The following DIP2C variants were observed in gnomAD, a reference collection of about 807,000 sequenced individuals.
The protein encoded by DIP2C is DIP2 acetate--CoA ligase C (putative).
A neutral mutation model predicts 192.4 loss-of-function variants in DIP2C; 33 were observed. That is an observed-to-expected ratio of 0.17 (90% CI 0.13 to 0.23). DIP2C has a LOEUF of 0.23. Among genes scored for constraint, DIP2C ranks in the 10% least tolerant of loss-of-function variants. DIP2C has a pLI of 1.00. For synonymous variants in DIP2C, 979 were observed against 864.1 expected (o/e 1.13, Z -2.33); for missense variants, 1,537 against 2,110.1 (o/e 0.73, Z 5.32).
At chr10:671,732 C>T (rs369415261) in intron 1 of DIP2C, among the ~76,000 whole-genome samples, 2 of 124,296 alleles carry the variant, frequency 1.6e-5, no homozygotes, top group East Asian at 2.6e-4. Flanking sequence ...CACAGACGCA[C>T]GGACGGAGGA....
chr10:370,738 C>T (rs1438213665), intron 17 of DIP2C, among the ~76,000 whole-genome samples: 1 of 152,220 alleles, frequency 6.6e-6, no homozygotes, highest in Non-Finnish European at 1.5e-5. Context: ...CTGTAATTTT[C>T]CATTTATAAA....
intron 1 of DIP2C, among the ~76,000 whole-genome samples, chr10:679,831 A>G (rs1160831870): frequency 6.6e-6 from 1 of 152,074 alleles, no homozygotes; most frequent in Admixed American, 6.5e-5. Flanking sequence ...CCTTCCACAG[A>G]TTTCCTCTGT....
intron 28 of DIP2C, among the ~76,000 whole-genome samples, chr10:342,161 CTCT>C (rs1169794729): frequency 8.5e-4 from 129 of 151,750 alleles, no homozygotes; most frequent in African/African-American, 2.8e-3. Context: ...CCCACTCTCT[CTCT>C]TTTTTTTTTT....
chr10:342,165 T>C (rs4881146), intron 28 of DIP2C, among the ~76,000 whole-genome samples: 142,418 of 150,010 alleles, frequency 0.95, 67,840 homozygotes, highest in East Asian at 1. Context: ...CTCTCTCTCT[T>C]TTTTTTTTTT....
At chr10:628,199 T>C (rs1854308171) in intron 1 of DIP2C, among the ~76,000 whole-genome samples, 1 of 152,188 alleles carries the variant, frequency 6.6e-6, no homozygotes, top group South Asian at 2.1e-4. Context: ...CTTCGTCACA[T>C]TGCTGACCTA....
chr10:498,293 C>T (rs953896607), intron 1 of DIP2C, among the ~76,000 whole-genome samples: 1 of 152,222 alleles, frequency 6.6e-6, no homozygotes, highest in African/African-American at 2.4e-5. Flanking sequence ...GGTGGGGAAG[C>T]AGATGACAGG....
intron 24 of DIP2C, among the ~76,000 whole-genome samples, chr10:353,678 C>T (rs1958931840): frequency 6.6e-6 from 1 of 152,204 alleles, no homozygotes; most frequent in Non-Finnish European, 1.5e-5. Context: ...GGTGCCTGGC[C>T]TCCACCACTT....
chr10:641,858 CA>C (rs11417788), intron 1 of DIP2C: 9 of 150,560 alleles, frequency 6.0e-5, no homozygotes, highest in Admixed American at 1.3e-4. Context: ...CCCATCTCTA[CA>C]AAAAAAAATA....
intron 32 of DIP2C, among the ~76,000 whole-genome samples, chr10:309,376 A>G (rs1444315316): frequency 6.6e-6 from 1 of 152,042 alleles, no homozygotes; most frequent in Admixed American, 6.5e-5. Context: ...CATCTTGACA[A>G]AACATTTCCA....
intron 1 of DIP2C, chr10:630,234 CT>C (rs1028916364): frequency 1.3e-5 from 2 of 152,112 alleles, no homozygotes; most frequent in African/African-American, 4.8e-5. Flanking sequence ...CTGTTCTGCT[CT>C]TTTGGTTTAA....
In DIP2C at chr10:372,074, C is replaced by CTT. The variant is rs71376826; in HGVS notation, c.1992-2443_1992-2442dup. On this transcript the variant is annotated intron_variant, in intron 17 of 36. Transcript: ENST00000280886. ...GTCTCAATCACAAAAACCCCCTTTC[C>CTT]TTTTTTTTTTTTTTTTTTTGAGACA... Among the ~76,000 whole-genome samples, 207 of 137,580 alleles carry CTT rather than the reference C, an allele frequency of 1.5e-3. 1 individual carries two copies. The highest frequency in any genetic ancestry group is 4.5e-3 in the African/African-American group (169 of 37,236). 90.3% of individuals were successfully genotyped at this position (137,580 alleles called of 152,430 possible).
At chr10:673,594 C>T (rs930511846) in intron 1 of DIP2C, among the ~76,000 whole-genome samples, 10 of 152,194 alleles carry the variant, frequency 6.6e-5, no homozygotes, top group Admixed American at 2.0e-4. Flanking sequence ...CTGCAGAAGA[C>T]GGGGCCATCC....
At chr10:488,589 G>A (rs569913660) in intron 1 of DIP2C, among the ~76,000 whole-genome samples, 2 of 152,188 alleles carry the variant, frequency 1.3e-5, no homozygotes, top group South Asian at 2.1e-4. Flanking sequence ...GGCTTTCCTC[G>A]CATGTTCACG....
At chr10:557,105 C>G (rs1848920036) in intron 1 of DIP2C, among the ~76,000 whole-genome samples, 1 of 152,236 alleles carries the variant, frequency 6.6e-6, no homozygotes, top group African/African-American at 2.4e-5. Flanking sequence ...GGAGACCGGC[C>G]ACCTTGACAC....
At chr10:568,438 A>T (rs866735574) in intron 1 of DIP2C, among the ~76,000 whole-genome samples, 4 of 152,144 alleles carry the variant, frequency 2.6e-5, no homozygotes, top group African/African-American at 9.7e-5. Context: ...AAGGAAAGGG[A>T]TCAGAAATTT....
rs565793644 is a variant in DIP2C at position 412,928 on chromosome 10, C to A, written c.1057+985G>T. On this transcript the variant is annotated intron_variant, in intron 8 of 36. Coordinates refer to ENST00000280886, the MANE Select transcript of DIP2C (RefSeq NM_014974.3). ...GCTATCAACATAAATCTCAGACATG[C>A]AGACACAATATGAACCATTTTGGTC... 3.9e-5 allele frequency among the ~76,000 whole-genome samples: 6 copies of A among 152,330 alleles called. No homozygotes were observed. In the South Asian group the frequency reaches 1.2e-3, roughly 32 times the overall value.
intron 34 of DIP2C, 120 bp from the exon 35 acceptor site, chr10:283,566 T>C: frequency 8.2e-7 from 1 of 1,218,964 alleles, no homozygotes; most frequent in Non-Finnish European, 1.2e-6. Flanking sequence ...TTCCTTGGAC[T>C]GAATAACCAA....
intron 3 of DIP2C, 101 bp downstream of exon 3, chr10:472,338 C>G: frequency 9.2e-7 from 1 of 1,081,518 alleles, no homozygotes; most frequent in Non-Finnish European, 1.4e-6. Context: ...TGCTGCAGGT[C>G]CACGCCCACT....
chr10:488,479 ACT>A (rs547839396), intron 1 of DIP2C, among the ~76,000 whole-genome samples: 56 of 152,014 alleles, frequency 3.7e-4, no homozygotes, highest in Non-Finnish European at 7.5e-4. Context: ...CTAAGACAAA[ACT>A]CTGTCCAGCT....
Sources: gnomAD v4.1 joint callset for allele counts (sites outside exome capture counted in the v4.1 genomes callset) on GRCh38, gnomAD v4.1.1 for gene constraint, MANE v1.5 for transcripts, NCBI Gene and HGNC (gene_info 2026-07-23, HGNC 2026-07-21) for gene names.